The following CNGB1 variants were observed in gnomAD, a reference collection of about 807,000 sequenced individuals.
CNGB1 encodes the protein cyclic nucleotide-gated channel beta-1.
In CNGB1, 126 loss-of-function variants were observed where a neutral mutation model predicts 151.7. That is an observed-to-expected ratio of 0.83 (90% CI 0.72 to 0.96). The LOEUF (loss-of-function observed/expected upper bound fraction) is 0.96, where lower values mean the gene tolerates loss of function less well. Ranked by LOEUF, CNGB1 falls within the 40% of genes least tolerant of loss-of-function variation. The probability of loss-of-function intolerance (pLI) is 0.00; values close to 1 mark genes in which losing one functional copy is unlikely to be tolerated. For missense variants in CNGB1, 1,698 were observed against 1,627.0 expected, an observed-to-expected ratio of 1.04 and a Z score of -0.75; for synonymous variants, 623 against 635.1, an observed-to-expected ratio of 0.98 and a Z score of 0.29.
Position 57,931,769 on chromosome 16 carries a change from A to T in CNGB1, c.1482T>A (p.Ser494=). The change falls in exon 17 of 33, where the codon TCT becomes TCA. Residue 494 remains serine (S), a synonymous_variant. Coordinates refer to ENST00000251102, the MANE Select transcript of CNGB1 (RefSeq NM_001297.5). ...CTATAAGGGTGTCTGATTTGGCAGG[A>T]GACGGTGGCGGCAACACGGTTGAGG... ...NPPSTVLPPP[S]PAKSDTLIVP... The T allele has an allele frequency of 6.2e-7, 1 of 1,614,178 alleles. No homozygotes were observed. The highest frequency in any genetic ancestry group is 8.5e-7 in the Non-Finnish European group (1 of 1,180,028).
chr16:57,925,383 C>A (rs1478343667), intron 17 of CNGB1, among the ~76,000 whole-genome samples: 2 of 152,158 alleles, frequency 1.3e-5, no homozygotes, highest in Non-Finnish European at 2.9e-5. Context: ...GGAATTGAAC[C>A]TGAGTGTACC....
chr16:57,898,050 G>T, intron 29 of CNGB1, 136 bp from the exon 30 acceptor site: 2 of 858,216 alleles, frequency 2.3e-6, no homozygotes, highest in Non-Finnish European at 4.0e-6. Context: ...ACCACAACTT[G>T]GGGTGTCGTG....
At chr16:57,955,654 G>T (rs1253162343) in intron 12 of CNGB1, among the ~76,000 whole-genome samples, 1 of 152,178 alleles carries the variant, frequency 6.6e-6, no homozygotes, top group Non-Finnish European at 1.5e-5. Context: ...CCGGATTGAG[G>T]GTGGGCCCTA....
chr16:57,903,929 C>A lies in CNGB1; in HGVS notation c.2687G>T (p.Cys896Phe). The A allele has an allele frequency of 6.2e-7, 1 of 1,614,118 alleles. No individual in the cohort carries two copies. Among genetic ancestry groups the A allele is most frequent in the Non-Finnish European group, 8.5e-7 (1 of 1,180,000 alleles). ...ATAGQTYYRSCMDSTVKYMNF... is the reference protein window; with the variant it reads ...ATAGQTYYRSFMDSTVKYMNF... Reference sequence around the variant, plus strand: ...CATGTACTTCACCGTGCTGTCCATGCAGCTGCGGTAGTAGGTCTGTCCGGC... The same window carrying A: ...CATGTACTTCACCGTGCTGTCCATGAAGCTGCGGTAGTAGGTCTGTCCGGC... Residue 896 changes from cysteine (C) to phenylalanine (F), a missense_variant, in exon 27 of 33, where the codon TGC becomes TTC. Cys to Phe is a radical substitution (Grantham distance 205, BLOSUM62 -2). Transcript: ENST00000251102.
rs1393859082 is a variant in CNGB1 at position 57,931,644 on chromosome 16, C to T, written c.1535+72G>A. The stretch of plus-strand genomic sequence containing the variant: ...GTCCAGCTGCTTCTCCCTCTGGCCT[C>T]AGTCTCTTCATCTGCCAAATAAACA... On this transcript the variant is annotated intron_variant, in intron 17 of 32. Transcript: ENST00000251102. 1.3e-5 allele frequency: 20 copies of T among 1,550,514 alleles called. No homozygotes were observed. The Admixed American group carries it at 3.3e-4, about 25-fold the overall frequency.
intron 18 of CNGB1, 122 bp from the exon 19 acceptor site, chr16:57,920,666 C>T: frequency 8.7e-7 from 1 of 1,153,050 alleles, no homozygotes; most frequent in Non-Finnish European, 1.3e-6. Flanking sequence ...GTAAGTCCTG[C>T]CCCCATCTCC....
chr16:57,946,997 G>A (rs1185732387), intron 14 of CNGB1, among the ~76,000 whole-genome samples: 1 of 152,224 alleles, frequency 6.6e-6, no homozygotes, highest in Non-Finnish European at 1.5e-5. Context: ...GTGTGCCTGT[G>A]TGCACACACA....
At chr16:57,909,349 A>G (rs1388307255) in intron 25 of CNGB1, among the ~76,000 whole-genome samples, 2 of 151,824 alleles carry the variant, frequency 1.3e-5, no homozygotes, top group African/African-American at 4.9e-5. Flanking sequence ...CTCTCTATAA[A>G]CTTCAAACCA....
At chr16:57,959,330 C>A (rs920219596) in intron 10 of CNGB1, among the ~76,000 whole-genome samples, 2 of 151,656 alleles carry the variant, frequency 1.3e-5, no homozygotes, top group Admixed American at 1.3e-4. Flanking sequence ...AAAGAGGAAG[C>A]AGGCCAGGCC....
chr16:57,922,110 T>A (rs537334991), intron 18 of CNGB1, among the ~76,000 whole-genome samples: 1 of 152,316 alleles, frequency 6.6e-6, no homozygotes, highest in Non-Finnish European at 1.5e-5. Flanking sequence ...AGGGTGGGGT[T>A]GGGGCTTCTT....
chr16:57,902,863 T>C (rs1416565104), intron 27 of CNGB1, among the ~76,000 whole-genome samples: 2 of 152,162 alleles, frequency 1.3e-5, no homozygotes, highest in African/African-American at 4.8e-5. Context: ...TCCTCCCGCC[T>C]CAGCCTCCCA....
chr16:57,949,212 C>T, intron 14 of CNGB1, 141 bp downstream of exon 14: 1 of 1,482,970 alleles, frequency 6.7e-7, no homozygotes, highest in South Asian at 1.2e-5. Flanking sequence ...CTTCTCGCAG[C>T]CTCTTTGGTC....
Position 57,924,027 on chromosome 16 carries a change from A to G in CNGB1, c.1536-647T>C, listed in dbSNP as rs144499387. On this transcript the variant is annotated intron_variant, in intron 17 of 32. Coordinates refer to ENST00000251102, the MANE Select transcript of CNGB1 (RefSeq NM_001297.5). ...TGGAGTACCTCATTCTTGAGCCATT[A>G]GTGTCTTGGCTTATGGTGTCTAGAT... is the stretch of plus-strand genomic sequence containing the variant. Among the ~76,000 whole-genome samples the G allele has an allele frequency of 9.5e-3, 1,454 of 152,270 alleles. 7 individuals carry two copies. Among genetic ancestry groups the G allele is most frequent in the Middle Eastern group, 0.031 (9 of 294 alleles).
In CNGB1 at chr16:57,901,663, G is replaced by T. The variant is rs372113851; in HGVS notation, c.2795-38C>A. The T allele has an allele frequency of 8.3e-6, 13 of 1,564,130 alleles. No individual in the cohort carries two copies. In the Admixed American group the frequency reaches 1.2e-4, roughly 14 times the overall value. ...CCTGGCAAGGGTCAGAGGCAAGGCC[G>T]GGCCCCACCCCAGACATACATACCG... is the stretch of plus-strand genomic sequence containing the variant. On this transcript the variant is annotated intron_variant, in intron 27 of 32. Transcript: ENST00000251102.
At chr16:57,932,590 G>A (rs1259070988) in intron 16 of CNGB1, among the ~76,000 whole-genome samples, 2 of 147,292 alleles carry the variant, frequency 1.4e-5, no homozygotes, top group Non-Finnish European at 3.0e-5. Flanking sequence ...GTTTTGTTTT[G>A]TTTTTTTGAG....
intron 17 of CNGB1, among the ~76,000 whole-genome samples, chr16:57,931,097 A>T (rs1961333698): frequency 6.6e-6 from 1 of 151,920 alleles, no homozygotes; most frequent in South Asian, 2.1e-4. Flanking sequence ...GGAGGTAGAA[A>T]TTAATTCTGT....
Position 57,917,491 on chromosome 16 carries a change from G to T in CNGB1, c.1958-15C>A, listed in dbSNP as rs781340351. The T allele has an allele frequency of 6.2e-7, 1 of 1,613,024 alleles. No homozygotes were observed. Among genetic ancestry groups the T allele is most frequent in the Non-Finnish European group, 8.5e-7 (1 of 1,179,562 alleles). Reference sequence around the variant, plus strand: ...ATACATCAGGTCTGTGGGGAAGGTTGACGGGGACGCTAGAGCATCAGCCAG... The same window carrying T: ...ATACATCAGGTCTGTGGGGAAGGTTTACGGGGACGCTAGAGCATCAGCCAG... On this transcript the variant is annotated splice_polypyrimidine_tract_variant and intron_variant, in intron 20 of 32. Coordinates refer to ENST00000251102, the MANE Select transcript of CNGB1 (RefSeq NM_001297.5).
At position 57,917,464 on chromosome 16, in the gene CNGB1, ACATAC is replaced by A. The variant is rs1567376441; in HGVS notation, c.1965_1969del (p.Met655IlefsTer75). 1 of 1,614,026 alleles carries A rather than the reference ACATAC, an allele frequency of 6.2e-7. No individual in the cohort carries two copies. The highest frequency in any genetic ancestry group is 2.2e-5 in the East Asian group (1 of 44,878). ...CATCACCACGAAGAACAGCCATAGGACATACATCAGGTCTGTGGGGAAGGTTGACG... is the reference window on the plus strand; with the variant it reads ...CATCACCACGAAGAACAGCCATAGGAATCAGGTCTGTGGGGAAGGTTGACG... On this transcript the variant is annotated frameshift_variant, in exon 21 of 33. Coordinates refer to ENST00000251102, the MANE Select transcript of CNGB1 (RefSeq NM_001297.5). LOFTEE classifies it high-confidence loss of function.
intron 9 of CNGB1, 139 bp from the exon 10 acceptor site, chr16:57,960,204 C>T (rs565544727): frequency 1.4e-6 from 2 of 1,453,950 alleles, no homozygotes; most frequent in African/African-American, 2.8e-5. Flanking sequence ...CCATCCCAAT[C>T]CTCAAACAGA....
Sources: allele counts gnomAD v4.1 joint callset (sites outside exome capture counted in the v4.1 genomes callset), GRCh38; gene constraint gnomAD v4.1.1; transcripts MANE v1.5; gene names NCBI Gene and HGNC (gene_info 2026-07-23, HGNC 2026-07-21).